Variants in TP63 observed in about 807,000 individuals in gnomAD.
TP63 encodes the protein tumor protein 63.
TP63 carries 17 observed loss-of-function variants against 82.8 expected under a neutral mutation model. That is an observed-to-expected ratio of 0.21 (90% CI 0.14 to 0.31). The LOEUF is 0.31. TP63 is among the 10% of genes least tolerant of loss of function. The pLI is 1.00. For missense variants in TP63, 648 were observed against 895.3 expected (o/e 0.72, Z 3.52); for synonymous variants, 330 against 321.7 (o/e 1.03, Z -0.28).
At chr3:189,627,018 C>T (rs1729334122), upstream of TP63, among the ~76,000 whole-genome samples, 1 of 152,102 alleles carries the variant, frequency 6.6e-6, no homozygotes, top group South Asian at 2.1e-4. Flanking sequence ...ATACATCCTT[C>T]CCCTTTAAAA....
intron 4 of TP63, among the ~76,000 whole-genome samples, chr3:189,860,213 G>A (rs796623978): frequency 3.3e-5 from 5 of 152,090 alleles, no homozygotes; most frequent in South Asian, 2.1e-4. Context: ...CAATTTAGAC[G>A]TGAATTTTTT....
chr3:189,771,669 T>C (rs1476808983), intron 3 of TP63, among the ~76,000 whole-genome samples: 1 of 151,738 alleles, frequency 6.6e-6, no homozygotes, highest in African/African-American at 2.4e-5. Context: ...CACGTGGCAG[T>C]ATAAGTACAA....
intron 3 of TP63, among the ~76,000 whole-genome samples, chr3:189,788,222 A>G (rs1046992201): frequency 5.3e-5 from 8 of 151,970 alleles, no homozygotes; most frequent in Admixed American, 1.3e-4. Flanking sequence ...GTACTGTCAT[A>G]TTCTTGCATA....
intron 1 of TP63, among the ~76,000 whole-genome samples, chr3:189,703,857 C>G (rs1718002346): frequency 6.6e-6 from 1 of 150,780 alleles, no homozygotes; most frequent in South Asian, 2.1e-4. Flanking sequence ...ACACAGTTCT[C>G]TACCACACCA....
chr3:189,759,834 A>G (rs1722439482), intron 3 of TP63, among the ~76,000 whole-genome samples: 1 of 152,176 alleles, frequency 6.6e-6, no homozygotes, highest in South Asian at 2.1e-4. Flanking sequence ...AAGACTGGGC[A>G]ATTTACAAAA....
At position 189,894,357 on chromosome 3, in the gene TP63, C is replaced by G. The variant is rs1411272519; in HGVS notation, c.1898C>G (p.Thr633Ser). ...ACAGTCAGTGTGGGCTCCAGTGAGACCCGGGGTGAGCGTGTTATTGATGCT... is the reference window on the plus strand; with the variant it reads ...ACAGTCAGTGTGGGCTCCAGTGAGAGCCGGGGTGAGCGTGTTATTGATGCT... ...ASTVSVGSSE[T>S]RGERVIDAVR... The change falls in exon 14 of 14, where the codon ACC becomes AGC. Residue 633 changes from threonine (T) to serine (S), a missense_variant. Physicochemically the swap from Thr to Ser is moderately conservative, Grantham distance 58. Coordinates refer to ENST00000264731, the MANE Select transcript of TP63 (RefSeq NM_003722.5). 1 of 1,613,980 alleles carries G rather than the reference C, an allele frequency of 6.2e-7. No individual in the cohort carries two copies.
At chr3:189,793,480 T>C (rs1165082031) in intron 3 of TP63, among the ~76,000 whole-genome samples, 1 of 152,082 alleles carries the variant, frequency 6.6e-6, no homozygotes, top group Non-Finnish European at 1.5e-5. Context: ...AGATTCTGCG[T>C]TCTGCTATAA....
At chr3:189,657,837 C>T (rs1246236679) in intron 1 of TP63, among the ~76,000 whole-genome samples, 8 of 151,968 alleles carry the variant, frequency 5.3e-5, no homozygotes, top group Non-Finnish European at 4.4e-5. Context: ...CTTGCTCTAC[C>T]AACTGATGGC....
intron 10 of TP63, among the ~76,000 whole-genome samples, chr3:189,882,690 T>C (rs955259761): frequency 6.6e-6 from 1 of 152,156 alleles, no homozygotes; most frequent in Non-Finnish European, 1.5e-5. Flanking sequence ...AGGTAGATAG[T>C]GTAACTTGTG....
At position 189,851,861 on chromosome 3, in the gene TP63, A is replaced by G. The variant is rs150943234; in HGVS notation, c.580-12371A>G. Reference sequence around the variant, plus strand: ...GTGTTCTCTGGTTTGCAAATGGACTATCAGCTCTCCAGGAGAGATTTGTCT... The same window carrying G: ...GTGTTCTCTGGTTTGCAAATGGACTGTCAGCTCTCCAGGAGAGATTTGTCT... On this transcript the variant is annotated intron_variant, in intron 4 of 13. Transcript: ENST00000264731. Among the ~76,000 whole-genome samples the G allele has an allele frequency of 1.5e-3, 231 of 152,266 alleles. 1 individual carries two copies. The highest frequency in any genetic ancestry group is 2.8e-3 in the Non-Finnish European group (191 of 68,030).
At chr3:189,867,029 C>G (rs903962069) in intron 6 of TP63, among the ~76,000 whole-genome samples, 7 of 152,158 alleles carry the variant, frequency 4.6e-5, no homozygotes, top group African/African-American at 9.7e-5. Flanking sequence ...TGTCCATATT[C>G]CCATCTTAAG....
chr3:189,700,114 A>T (rs1256601443), intron 1 of TP63, among the ~76,000 whole-genome samples: 2 of 152,096 alleles, frequency 1.3e-5, no homozygotes, highest in African/African-American at 4.8e-5. Context: ...GTGAGCTTTG[A>T]TAAAAGGTGG....
chr3:189,656,093 A>G (rs574020709), intron 1 of TP63, among the ~76,000 whole-genome samples: 1 of 152,306 alleles, frequency 6.6e-6, no homozygotes, highest in South Asian at 2.1e-4. Context: ...CAAACATAAA[A>G]TATTTACTTT....
At chr3:189,859,449 A>G (rs1716734330) in intron 4 of TP63, among the ~76,000 whole-genome samples, 1 of 152,188 alleles carries the variant, frequency 6.6e-6, no homozygotes, top group South Asian at 2.1e-4. Flanking sequence ...TGAAATAAGT[A>G]CATGAAAAGA....
intron 4 of TP63, among the ~76,000 whole-genome samples, chr3:189,813,949 C>T (rs1483872582): frequency 1.3e-5 from 2 of 152,134 alleles, no homozygotes; most frequent in Non-Finnish European, 2.9e-5. Context: ...ACCATGCCAG[C>T]TTCGTGTCAT....
At chr3:189,786,493 A>G (rs1724614474) in intron 3 of TP63, among the ~76,000 whole-genome samples, 1 of 151,580 alleles carries the variant, frequency 6.6e-6, no homozygotes, top group African/African-American at 2.4e-5. Flanking sequence ...GCATGCACAA[A>G]TACATATACA....
At chr3:189,781,947 A>G (rs1345900218) in intron 3 of TP63, among the ~76,000 whole-genome samples, 2 of 152,158 alleles carry the variant, frequency 1.3e-5, no homozygotes, top group African/African-American at 4.8e-5. Context: ...GTAGGATCAC[A>G]ATTATATAGG....
In TP63 at chr3:189,869,126, A is replaced by T. The variant is rs568580302; in HGVS notation, c.1130-198A>T. Among the ~76,000 whole-genome samples the T allele has an allele frequency of 2.0e-5, 3 of 152,338 alleles. No homozygotes were observed. The South Asian group carries it at 6.2e-4, about 32-fold the overall frequency. On this transcript the variant is annotated intron_variant, in intron 8 of 13. Transcript: ENST00000264731. ...CTCCTTATTGCTAGGATCACAATCA[A>T]TGTAAAAACAATTGTCCCCAGTTAA...
At chr3:189,766,078 G>A (rs895283994) in intron 3 of TP63, among the ~76,000 whole-genome samples, 2 of 152,156 alleles carry the variant, frequency 1.3e-5, no homozygotes, top group African/African-American at 4.8e-5. Context: ...GTGAATGCCT[G>A]TAGTCCCAGC....
Sources: gnomAD v4.1 joint callset for allele counts (sites outside exome capture counted in the v4.1 genomes callset) on GRCh38, gnomAD v4.1.1 for gene constraint, MANE v1.5 for transcripts, NCBI Gene and HGNC (gene_info 2026-07-23, HGNC 2026-07-21) for gene names.